The following CDK17 variants were observed in gnomAD, a reference collection of about 807,000 sequenced individuals.
CDK17 encodes cyclin dependent kinase 17, also known as cyclin-dependent kinase 17.
CDK17 carries 24 observed loss-of-function variants against 77.6 expected under a neutral mutation model. That is an observed-to-expected ratio of 0.31 (90% CI 0.22 to 0.44). The LOEUF (loss-of-function observed/expected upper bound fraction) is 0.44. Among genes scored for constraint, CDK17 ranks in the 20% least tolerant of loss-of-function variants. The pLI is 1.00. For missense variants in CDK17, 429 were observed against 622.5 expected (o/e 0.69, Z 3.31); for synonymous variants, 203 against 210.4 (o/e 0.96, Z 0.30).
intron 10 of CDK17, among the ~76,000 whole-genome samples, chr12:96,290,029 A>AAAAAAAATCGC (rs1952302747): frequency 6.6e-6 from 1 of 152,236 alleles, no homozygotes; most frequent in Admixed American, 6.5e-5. Context: ...GACCTTTAAA[A>AAAAAAAATCGC]AAAAAAATCG....
intron 5 of CDK17, 96 bp from the exon 6 acceptor site, chr12:96,300,456 G>A: frequency 4.2e-6 from 3 of 705,966 alleles, no homozygotes; most frequent in Non-Finnish European, 4.7e-6. Flanking sequence ...GAGTGCAGCG[G>A]CACAATCTTG....
intron 1 of CDK17, among the ~76,000 whole-genome samples, chr12:96,385,259 G>C (rs1272569666): frequency 6.6e-6 from 1 of 151,898 alleles, no homozygotes; most frequent in African/African-American, 2.4e-5. Flanking sequence ...GGTTGCAGTG[G>C]GCCAAGATTG....
chr12:96,395,026 C>A (rs557789450), intron 1 of CDK17, among the ~76,000 whole-genome samples: 2 of 151,954 alleles, frequency 1.3e-5, no homozygotes, highest in African/African-American at 4.8e-5. Context: ...CAGGCATGCA[C>A]CACCGTGCCC....
At chr12:96,289,117 G>A (rs1053232974) in intron 11 of CDK17, 50 bp downstream of exon 11, 2 of 1,581,308 alleles carry the variant, frequency 1.3e-6, no homozygotes, top group Non-Finnish European at 1.7e-6. Context: ...TGCATTAACA[G>A]TTACATTCTT....
chr12:96,280,133 GTAGACAAACGGAGA>G lies in CDK17; in HGVS notation c.*95_*108del, dbSNP rs1233098595. 2 of 1,100,650 alleles carry G rather than the reference GTAGACAAACGGAGA, an allele frequency of 1.8e-6. No individual in the cohort carries two copies. Among genetic ancestry groups the G allele is most frequent in the African/African-American group, 3.2e-5 (2 of 62,776 alleles). 68.2% of individuals were successfully genotyped at this position (1,100,650 alleles called of 1,614,324 possible). On this transcript the variant is annotated 3_prime_UTR_variant, in exon 17 of 17. Transcript: ENST00000261211. ...AAGACTCCACTGTGAAGAGGACAGT[GTAGACAAACGGAGA>G]TTCCAAGTCCACCAAAAGAAATAAT... is the stretch of plus-strand genomic sequence containing the variant.
chr12:96,305,322 A>C (rs1952563694), intron 5 of CDK17, among the ~76,000 whole-genome samples: 1 of 152,220 alleles, frequency 6.6e-6, no homozygotes, highest in African/African-American at 2.4e-5. Flanking sequence ...AATTAGTGAA[A>C]TCTGAATAAA....
chr12:96,283,232 T>TC (rs1196541003), intron 14 of CDK17, among the ~76,000 whole-genome samples: 1 of 151,892 alleles, frequency 6.6e-6, no homozygotes, highest in Non-Finnish European at 1.5e-5. Flanking sequence ...ACCCTTATCG[T>TC]CCCCCCTTAT....
At position 96,400,161 on chromosome 12, in the gene CDK17, G is replaced by C. The variant is rs1479356333; in HGVS notation, c.-205C>G. 8.4e-5 allele frequency: 33 copies of C among 394,282 alleles called. No homozygotes were observed. Among genetic ancestry groups the C allele is most frequent in the Admixed American group, 4.4e-5 (1 of 22,552 alleles). 24.4% of individuals were successfully genotyped at this position (394,282 alleles called of 1,614,324 possible). A position where few individuals can be genotyped will look rare whatever the true frequency, so the allele number is the denominator to read the frequency against. On this transcript the variant is annotated 5_prime_UTR_variant, in exon 1 of 17. Coordinates refer to ENST00000261211, the MANE Select transcript of CDK17 (RefSeq NM_002595.5). ...CAGCCGCCTTCCGGCTCTCGCCGCG[G>C]GTCCGGAGCCTCGGGAGGGGCCGCG...
intron 1 of CDK17, among the ~76,000 whole-genome samples, chr12:96,382,604 A>G (rs565465104): frequency 5.7e-4 from 86 of 152,134 alleles, no homozygotes; most frequent in Admixed American, 1.4e-3. Context: ...AGACACAAAA[A>G]TCCTCAACAA....
chr12:96,289,335 T>C (rs113640758), intron 10 of CDK17, 48 bp from the exon 11 acceptor site: 1 of 1,607,872 alleles, frequency 6.2e-7, no homozygotes, highest in South Asian at 1.1e-5. Context: ...CTTTAATGGA[T>C]CTCTCAGACC....
At chr12:96,280,752 T>A (rs748217796) in intron 16 of CDK17, 56 bp downstream of exon 16, 16 of 1,602,282 alleles carry the variant, frequency 1.0e-5, no homozygotes, top group African/African-American at 1.3e-5. Context: ...AACCAAAAGC[T>A]TGGTTCCACG....
At chr12:96,310,374 G>A (rs1050182396) in intron 5 of CDK17, among the ~76,000 whole-genome samples, 1 of 151,810 alleles carries the variant, frequency 6.6e-6, no homozygotes, top group South Asian at 2.1e-4. Flanking sequence ...AAGCTCAGAC[G>A]TTTTAATAAG....
chr12:96,344,359 A>T (rs1953167610), intron 1 of CDK17, among the ~76,000 whole-genome samples: 1 of 152,234 alleles, frequency 6.6e-6, no homozygotes, highest in African/African-American at 2.4e-5. Flanking sequence ...AATAAATCCA[A>T]GAATAAATTC....
chr12:96,308,229 TAAA>T (rs61572243), intron 5 of CDK17, among the ~76,000 whole-genome samples: 3 of 63,740 alleles, frequency 4.7e-5, no homozygotes, highest in Admixed American at 2.0e-4. Flanking sequence ...ATGCCATCTC[TAAA>T]AAAAAAAAAA....
At chr12:96,376,019 T>C (rs991542567) in intron 1 of CDK17, among the ~76,000 whole-genome samples, 1 of 152,238 alleles carries the variant, frequency 6.6e-6, no homozygotes, top group South Asian at 2.1e-4. Context: ...TTCAAGTTTC[T>C]TGTGGTTCTA....
chr12:96,363,521 G>A (rs1953530360), intron 1 of CDK17, among the ~76,000 whole-genome samples: 1 of 150,944 alleles, frequency 6.6e-6, no homozygotes, highest in South Asian at 2.1e-4. Flanking sequence ...TCTATGAAGT[G>A]CTACTTTTTC....
chr12:96,368,738 C>T lies in CDK17; in HGVS notation c.-30+31248G>A, dbSNP rs186067977. 2.8e-5 allele frequency among the ~76,000 whole-genome samples: 4 copies of T among 143,744 alleles called. No individual in the cohort carries two copies. The East Asian group carries it at 8.6e-4, about 31-fold the overall frequency. 94.3% of individuals were successfully genotyped at this position (143,744 alleles called of 152,430 possible). A position where few individuals can be genotyped will look rare whatever the true frequency, so the allele number is the denominator to read the frequency against. On this transcript the variant is annotated intron_variant, in intron 1 of 16. Coordinates refer to ENST00000261211, the MANE Select transcript of CDK17 (RefSeq NM_002595.5). ...TGATATGAAACCATAATACTGGCTC[C>T]AGAGTCTGCCTTAGAAGCATCAGCT...
Position 96,283,640 on chromosome 12 carries a change from T to C in CDK17, c.1328A>G (p.Asp443Gly). 1 of 1,597,622 alleles carries C rather than the reference T, an allele frequency of 6.3e-7. No homozygotes were observed. The highest frequency in any genetic ancestry group is 1.1e-5 in the South Asian group (1 of 89,930). The stretch of plus-strand genomic sequence containing the variant: ...TGTTATCAACTCAATTCCTTCAGAG[T>C]CTAACCTAGAAACAACAAAGAACAA... ...QPLINHAPRL[D>G]SEGIELITKF... The change falls in exon 14 of 17, where the codon GAC becomes GGC. Residue 443 changes from aspartate (D) to glycine (G), a missense_variant. By Grantham distance (94) the Asp-to-Gly change is moderately conservative. Around this residue, in one of 4 missense-constraint regions of CDK17, gnomAD observed 115 missense variants for 124.2 expected, o/e 0.93. Coordinates refer to ENST00000261211, the MANE Select transcript of CDK17 (RefSeq NM_002595.5).
In CDK17 at chr12:96,400,014, G is replaced by A. The variant is rs1954234417; in HGVS notation, c.-58C>T. ...CAAGAGCGGGGACCGCGGGTCCCGA[G>A]GCGAGGCGAAGAGAGGCGCGGGGGG... On this transcript the variant is annotated 5_prime_UTR_variant, in exon 1 of 17. Transcript: ENST00000261211. 9 of 384,722 alleles carry A rather than the reference G, an allele frequency of 2.3e-5. No homozygotes were observed. Among genetic ancestry groups the A allele is most frequent in the East Asian group, 1.1e-4 (3 of 26,964 alleles). The allele number at this position is 384,722 out of a possible 1,614,324, so 23.8% of individuals were successfully genotyped here. A position where few individuals can be genotyped will look rare whatever the true frequency, so the allele number is the denominator to read the frequency against.
Sources: allele counts gnomAD v4.1 joint callset (sites outside exome capture counted in the v4.1 genomes callset), GRCh38; gene constraint gnomAD v4.1.1; regional missense constraint gnomAD v4.1.1; transcripts MANE v1.5; gene names NCBI Gene and HGNC (gene_info 2026-07-23, HGNC 2026-07-21).